LUZP2: variants seen among roughly 807,000 people sequenced by gnomAD.
The protein encoded by LUZP2 is leucine zipper protein 2.
LUZP2 carries 52 observed loss-of-function variants against 51.6 expected under a neutral mutation model. The observed-to-expected ratio is 1.01, with a 90% CI of 0.81 to 1.27. LUZP2 has a LOEUF of 1.27. LUZP2 is among the 50% of genes most tolerant of loss of function. The pLI is 0.00. For missense variants in LUZP2, 436 were observed against 395.4 expected, an observed-to-expected ratio of 1.10 and a Z score of -0.87; for synonymous variants, 154 against 137.3, an observed-to-expected ratio of 1.12 and a Z score of -0.85.
At position 24,700,590 on chromosome 11, in the gene LUZP2, T is replaced by A. The variant is rs1287363923; in HGVS notation, c.63-28579T>A. On this transcript the variant is annotated intron_variant, in intron 1 of 11. Transcript: ENST00000336930. Reference sequence around the variant, plus strand: ...GAAAGCAGAAATTGTGTTTTTTTTTTAAATGCTATATCCCCCAAACTTAAA... The same window carrying A: ...GAAAGCAGAAATTGTGTTTTTTTTTAAAATGCTATATCCCCCAAACTTAAA... Among the ~76,000 whole-genome samples, 12 of 149,422 alleles carry A rather than the reference T, an allele frequency of 8.0e-5. 1 individual carries two copies. The highest frequency in any genetic ancestry group is 5.4e-4 in the Admixed American group (8 of 14,926).
intron 1 of LUZP2, among the ~76,000 whole-genome samples, chr11:24,539,927 T>C (rs1225408837): frequency 6.6e-6 from 1 of 152,072 alleles, no homozygotes; most frequent in Non-Finnish European, 1.5e-5. Flanking sequence ...CATTGTCTCA[T>C]CTTCATCACC....
At chr11:24,753,713 T>C (rs1285470257) in intron 4 of LUZP2, among the ~76,000 whole-genome samples, 1 of 152,176 alleles carries the variant, frequency 6.6e-6, no homozygotes, top group Non-Finnish European at 1.5e-5. Context: ...CCCAGGAACT[T>C]CTCTTCTTCT....
At chr11:24,706,505 T>A (rs1480594535) in intron 1 of LUZP2, among the ~76,000 whole-genome samples, 1 of 152,182 alleles carries the variant, frequency 6.6e-6, no homozygotes, top group Non-Finnish European at 1.5e-5. Flanking sequence ...TTCTGCATTC[T>A]GCCCTTGTTT....
intron 4 of LUZP2, among the ~76,000 whole-genome samples, chr11:24,754,980 T>C (rs1859719540): frequency 6.6e-6 from 1 of 152,088 alleles, no homozygotes; most frequent in Admixed American, 6.6e-5. Flanking sequence ...ACCCCGTCTC[T>C]ACTAAAAATA....
intron 5 of LUZP2, among the ~76,000 whole-genome samples, chr11:24,889,680 A>C (rs1283444899): frequency 6.6e-6 from 1 of 152,146 alleles, no homozygotes; most frequent in Non-Finnish European, 1.5e-5. Flanking sequence ...GGCTCAGCTG[A>C]GGCTGCTTGT....
chr11:24,786,276 A>ATAC, intron 5 of LUZP2: 2 of 974,060 alleles, frequency 2.1e-6, no homozygotes, highest in Non-Finnish European at 2.4e-6. Flanking sequence ...AAATTATAAA[A>ATAC]TACAGGAACA....
chr11:24,641,633 C>T (rs1855286908), intron 1 of LUZP2, among the ~76,000 whole-genome samples: 1 of 151,788 alleles, frequency 6.6e-6, no homozygotes, highest in South Asian at 2.1e-4. Flanking sequence ...GCAACATTGA[C>T]ATATAAAAAG....
chr11:24,656,470 T>C (rs1390151352), intron 1 of LUZP2, among the ~76,000 whole-genome samples: 2 of 152,130 alleles, frequency 1.3e-5, no homozygotes, highest in African/African-American at 4.8e-5. Context: ...AAACTTAGTG[T>C]CTTAAAAGAA....
intron 1 of LUZP2, among the ~76,000 whole-genome samples, chr11:24,580,887 T>C (rs1255186304): frequency 6.6e-6 from 1 of 152,116 alleles, no homozygotes; most frequent in Non-Finnish European, 1.5e-5. Flanking sequence ...TCTTCCACTA[T>C]AAAAATAGTT....
At chr11:24,533,058 C>T (rs1430292046) in intron 1 of LUZP2, among the ~76,000 whole-genome samples, 1 of 151,192 alleles carries the variant, frequency 6.6e-6, no homozygotes, top group East Asian at 1.9e-4. Flanking sequence ...AAAGACAGTG[C>T]TGTATAATCA....
At chr11:25,013,980 A>G (rs1345743608) in intron 9 of LUZP2, among the ~76,000 whole-genome samples, 1 of 151,690 alleles carries the variant, frequency 6.6e-6, no homozygotes, top group Non-Finnish European at 1.5e-5. Context: ...ATTCCCACCT[A>G]TGAGTGAGAA....
chr11:24,888,622 A>C (rs936954176), intron 5 of LUZP2, among the ~76,000 whole-genome samples: 3 of 152,096 alleles, frequency 2.0e-5, no homozygotes, highest in African/African-American at 7.2e-5. Flanking sequence ...GAGTTCCCAA[A>C]AAGTTGTAGG....
intron 1 of LUZP2, among the ~76,000 whole-genome samples, chr11:24,618,435 T>C (rs1186784015): frequency 1.3e-5 from 2 of 152,096 alleles, no homozygotes; most frequent in African/African-American, 4.8e-5. Flanking sequence ...TTTGTTGGCA[T>C]GAGTTGGAGT....
intron 1 of LUZP2, among the ~76,000 whole-genome samples, chr11:24,645,216 G>T (rs1024472428): frequency 6.6e-6 from 1 of 152,086 alleles, no homozygotes; most frequent in African/African-American, 2.4e-5. Flanking sequence ...GAGACCACAG[G>T]CAATACAGTC....
At chr11:24,987,167 A>G (rs1856211665) in intron 9 of LUZP2, among the ~76,000 whole-genome samples, 1 of 151,918 alleles carries the variant, frequency 6.6e-6, no homozygotes, top group African/African-American at 2.4e-5. Context: ...TACGTGAAAC[A>G]AGTATTAGGA....
intron 1 of LUZP2, among the ~76,000 whole-genome samples, chr11:24,666,994 C>T (rs891083065): frequency 6.6e-6 from 1 of 152,032 alleles, no homozygotes; most frequent in Non-Finnish European, 1.5e-5. Flanking sequence ...AACCCTTTCG[C>T]CCCATCATCA....
chr11:24,876,529 T>C (rs113718526), intron 5 of LUZP2, among the ~76,000 whole-genome samples: 17 of 146,408 alleles, frequency 1.2e-4, no homozygotes, highest in African/African-American at 3.5e-4. Context: ...AGTCAGGTAG[T>C]GTGATGCCTC....
At chr11:25,015,421 A>G (rs941729961) in intron 9 of LUZP2, among the ~76,000 whole-genome samples, 7 of 152,174 alleles carry the variant, frequency 4.6e-5, no homozygotes, top group Non-Finnish European at 1.0e-4. Flanking sequence ...AGTTTTTCTT[A>G]CTAATATCCT....
At chr11:24,849,300 G>A (rs1057074219) in intron 5 of LUZP2, among the ~76,000 whole-genome samples, 2 of 151,916 alleles carry the variant, frequency 1.3e-5, no homozygotes, top group African/African-American at 2.4e-5. Flanking sequence ...CTATCAACAG[G>A]CCCCGGTGTG....
Sources: allele counts gnomAD v4.1 joint callset (sites outside exome capture counted in the v4.1 genomes callset), GRCh38; gene constraint gnomAD v4.1.1; transcripts MANE v1.5; gene names NCBI Gene and HGNC (gene_info 2026-07-23, HGNC 2026-07-21).